The following NPAS3 variants were observed in gnomAD, a reference collection of about 807,000 sequenced individuals.
NPAS3 encodes the protein neuronal PAS domain protein 3.
A neutral mutation model predicts 73.1 loss-of-function variants in NPAS3; 14 were observed. That is an observed-to-expected ratio of 0.19 (90% CI 0.13 to 0.30). The LOEUF (loss-of-function observed/expected upper bound fraction) is 0.30. Ranked by LOEUF, NPAS3 falls within the 10% of genes least tolerant of loss-of-function variation. The pLI is 1.00. For synonymous variants in NPAS3, 620 were observed against 541.5 expected (o/e 1.14, Z -2.01); for missense variants, 1,096 against 1,250.0 (o/e 0.88, Z 1.86).
intron 2 of NPAS3, among the ~76,000 whole-genome samples, chr14:33,090,559 A>G (rs886297016): frequency 1.3e-5 from 2 of 152,212 alleles, no homozygotes; most frequent in African/African-American, 2.4e-5. Context: ...GGAGACTTCA[A>G]CACCCCACTG....
intron 4 of NPAS3, among the ~76,000 whole-genome samples, chr14:33,386,070 A>G (rs975387073): frequency 6.7e-6 from 1 of 148,318 alleles, no homozygotes; most frequent in Non-Finnish European, 1.5e-5. Context: ...GTAATTGAGA[A>G]TTTTTTTTTT....
At chr14:33,575,037 C>A (rs968836421) in intron 5 of NPAS3, among the ~76,000 whole-genome samples, 2 of 152,162 alleles carry the variant, frequency 1.3e-5, no homozygotes, top group Non-Finnish European at 2.9e-5. Context: ...GCAGGAAAGG[C>A]CAGTCTCAGG....
chr14:33,724,063 G>T (rs1022544440), intron 6 of NPAS3, among the ~76,000 whole-genome samples: 2 of 152,012 alleles, frequency 1.3e-5, no homozygotes, highest in African/African-American at 4.8e-5. Flanking sequence ...TTGAGCAAAA[G>T]TCACTTGGGA....
At chr14:33,432,230 C>G (rs1313090791) in intron 4 of NPAS3, among the ~76,000 whole-genome samples, 2 of 152,122 alleles carry the variant, frequency 1.3e-5, no homozygotes, top group African/African-American at 2.4e-5. Flanking sequence ...CATTGCTTAA[C>G]AATATATTCC....
chr14:33,781,031 T>C (rs1010819500), intron 9 of NPAS3, among the ~76,000 whole-genome samples: 3 of 152,210 alleles, frequency 2.0e-5, no homozygotes, highest in Non-Finnish European at 1.5e-5. Context: ...TAGAATGAGC[T>C]GATAATTCTG....
intron 4 of NPAS3, among the ~76,000 whole-genome samples, chr14:33,499,763 G>A (rs549115690): frequency 7.9e-5 from 12 of 152,010 alleles, no homozygotes; most frequent in African/African-American, 2.2e-4. Flanking sequence ...GCTGAACAGC[G>A]CCCCACACAC....
chr14:33,666,816 A>G (rs906835548), intron 5 of NPAS3, among the ~76,000 whole-genome samples: 1 of 152,206 alleles, frequency 6.6e-6, no homozygotes, highest in Non-Finnish European at 1.5e-5. Context: ...TGATTGACTA[A>G]TTAAATGTAC....
intron 6 of NPAS3, among the ~76,000 whole-genome samples, chr14:33,710,589 G>A (rs919656389): frequency 3.9e-5 from 6 of 152,112 alleles, no homozygotes; most frequent in Admixed American, 6.5e-5. Flanking sequence ...GGCGTGCCCC[G>A]CTCCTGACTG....
chr14:33,579,259 A>G (rs2056567824), intron 5 of NPAS3, among the ~76,000 whole-genome samples: 1 of 152,196 alleles, frequency 6.6e-6, no homozygotes, highest in African/African-American at 2.4e-5. Context: ...CTTCTTATTC[A>G]CACATCTCAG....
chr14:33,498,953 T>TGC (rs2052375280), intron 4 of NPAS3, among the ~76,000 whole-genome samples: 1 of 146,734 alleles, frequency 6.8e-6, no homozygotes, highest in Non-Finnish European at 1.5e-5. Context: ...TGTGTGTGTG[T>TGC]GTGTGTGTGT....
intron 1 of NPAS3, among the ~76,000 whole-genome samples, chr14:32,972,709 G>A (rs1378965501): frequency 6.6e-6 from 1 of 152,130 alleles, no homozygotes; most frequent in Non-Finnish European, 1.5e-5. Context: ...GAAACACTTT[G>A]TCACAGAGTA....
At chr14:33,236,749 T>C (rs748892953) in intron 3 of NPAS3, among the ~76,000 whole-genome samples, 8 of 152,134 alleles carry the variant, frequency 5.3e-5, no homozygotes, top group Non-Finnish European at 1.2e-4. Flanking sequence ...AAAATCATTT[T>C]GTCTCGATTT....
At chr14:33,522,217 C>G (rs1041132628) in intron 4 of NPAS3, among the ~76,000 whole-genome samples, 1 of 152,120 alleles carries the variant, frequency 6.6e-6, no homozygotes, top group Non-Finnish European at 1.5e-5. Flanking sequence ...CAGAAATTCA[C>G]GTGACACGTG....
At chr14:33,674,756 A>G (rs2059711155) in intron 5 of NPAS3, among the ~76,000 whole-genome samples, 1 of 152,238 alleles carries the variant, frequency 6.6e-6, no homozygotes, top group Non-Finnish European at 1.5e-5. Flanking sequence ...TTTCAGGAAT[A>G]GCTATTAACC....
At chr14:33,333,168 T>C (rs2044062259) in intron 3 of NPAS3, among the ~76,000 whole-genome samples, 1 of 152,222 alleles carries the variant, frequency 6.6e-6, no homozygotes, top group African/African-American at 2.4e-5. Flanking sequence ...CCAGTTTCAC[T>C]ATTTGAAGTG....
At chr14:33,123,861 CT>C (rs35332896) in intron 2 of NPAS3, among the ~76,000 whole-genome samples, 2,656 of 81,112 alleles carry the variant, frequency 0.033, 67 homozygotes, top group African/African-American at 0.083. Context: ...TTCTTTCTTT[CT>C]TTTTTTTTTT....
chr14:33,328,478 T>G, intron 3 of NPAS3, among the ~76,000 whole-genome samples: 1 of 60,180 alleles, frequency 1.7e-5, no homozygotes, highest in Non-Finnish European at 2.8e-5. Context: ...TTTTTTTTTT[T>G]TTTTTTGAGA....
At chr14:33,548,723 A>G (rs1334025193) in intron 4 of NPAS3, among the ~76,000 whole-genome samples, 1 of 152,198 alleles carries the variant, frequency 6.6e-6, no homozygotes, top group Non-Finnish European at 1.5e-5. Flanking sequence ...CAAAATGCAC[A>G]CTAAGTTATA....
rs959482421 is a variant in NPAS3, at chr14:33,501,094, A to G, written c.469-59027A>G. Among the ~76,000 whole-genome samples the G allele has an allele frequency of 5.3e-5, 8 of 152,058 alleles. 1 individual carries two copies. The highest frequency in any genetic ancestry group is 3.9e-4 in the Admixed American group (6 of 15,246). Reference sequence around the variant, plus strand: ...CTAATAATGTTAGCTACCAGAAGTCATATCAATATATTTCCTTGAAAATAA... The same window carrying G: ...CTAATAATGTTAGCTACCAGAAGTCGTATCAATATATTTCCTTGAAAATAA... On this transcript the variant is annotated intron_variant, in intron 4 of 11. Transcript: ENST00000356141.
Sources: gnomAD v4.1 joint callset for allele counts (sites outside exome capture counted in the v4.1 genomes callset) on GRCh38, gnomAD v4.1.1 for gene constraint, MANE v1.5 for transcripts, NCBI Gene and HGNC (gene_info 2026-07-23, HGNC 2026-07-21) for gene names.